Variants in PDE7A observed in about 807,000 individuals in gnomAD.
PDE7A encodes the protein high affinity 3',5'-cyclic-AMP phosphodiesterase 7A.
PDE7A carries 39 observed loss-of-function variants against 64.3 expected under a neutral mutation model. That is an observed-to-expected ratio of 0.61 (90% CI 0.47 to 0.79). PDE7A has a LOEUF of 0.79. Ranked by LOEUF, PDE7A falls within the 30% of genes least tolerant of loss-of-function variation. PDE7A has a pLI of 0.00. For synonymous variants in PDE7A, 203 were observed against 206.8 expected (o/e 0.98, Z 0.16); for missense variants, 470 against 582.8 (o/e 0.81, Z 1.99).
chr8:65,719,619 A>C, intron 12 of PDE7A, 124 bp from the exon 13 acceptor site: 1 of 669,850 alleles, frequency 1.5e-6, no homozygotes, highest in South Asian at 1.8e-5. Flanking sequence ...ATTCTTCAAA[A>C]GATTCCTGTG....
chr8:65,723,579 CA>C lies in PDE7A; in HGVS notation c.1204del (p.Cys402AlafsTer16). On this transcript the variant is annotated frameshift_variant, in exon 12 of 13. Coordinates refer to ENST00000401827, the MANE Select transcript of PDE7A (RefSeq NM_001242318.3). LOFTEE classifies it high-confidence loss of function. Reference protein sequence around the residue: ...KKYHLGVSPLCDRHTESIANI... With the variant: ...KKYHLGVSPLXDRHTESIANI... ...GGCAATAGATTCAGTGTGACGATCG[CA>C]AAGTGGACTCACACCCAAATGATAT... 1.9e-6 allele frequency: 3 copies of C among 1,583,480 alleles called. No individual in the cohort carries two copies. The highest frequency in any genetic ancestry group is 2.6e-6 in the Non-Finnish European group (3 of 1,166,576).
At chr8:65,760,431 C>A (rs1379402159) in intron 3 of PDE7A, among the ~76,000 whole-genome samples, 1 of 152,096 alleles carries the variant, frequency 6.6e-6, no homozygotes, top group Non-Finnish European at 1.5e-5. Flanking sequence ...AATTTTTGTA[C>A]ACAACCTAAT....
At chr8:65,724,629 T>C in intron 10 of PDE7A, 148 bp downstream of exon 10, 1 of 674,368 alleles carries the variant, frequency 1.5e-6, no homozygotes, top group Non-Finnish European at 2.4e-6. Context: ...GATCTCCTTT[T>C]GGAAGGAGTG....
intron 10 of PDE7A, 22 bp downstream of exon 10, chr8:65,724,755 A>C: frequency 6.3e-7 from 1 of 1,580,874 alleles, no homozygotes; most frequent in South Asian, 1.2e-5. Flanking sequence ...TAGAAATAGA[A>C]TGTTTCCAAG....
chr8:65,745,352 A>C, intron 5 of PDE7A, 55 bp downstream of exon 5: 1 of 986,322 alleles, frequency 1.0e-6, no homozygotes, highest in Admixed American at 1.7e-5. Context: ...CGGCTGCACC[A>C]TCAATGCAGT....
At chr8:65,833,161 TG>T (rs1465203687) in intron 1 of PDE7A, among the ~76,000 whole-genome samples, 1 of 152,256 alleles carries the variant, frequency 6.6e-6, no homozygotes, top group African/African-American at 2.4e-5. Flanking sequence ...CTTTAAATCC[TG>T]GAAGACAGCA....
At chr8:65,821,525 T>C (rs959449272) in intron 1 of PDE7A, among the ~76,000 whole-genome samples, 1 of 152,180 alleles carries the variant, frequency 6.6e-6, no homozygotes, top group African/African-American at 2.4e-5. Flanking sequence ...ACGATTAAAC[T>C]TAAGTTTTGA....
Position 65,754,710 on chromosome 8 carries a change from T to A in PDE7A, c.284-6907A>T, listed in dbSNP as rs555567745. Among the ~76,000 whole-genome samples the A allele has an allele frequency of 2.0e-5, 3 of 148,248 alleles. No homozygotes were observed. In the South Asian group the frequency reaches 7.0e-4, roughly 34 times the overall value. On this transcript the variant is annotated intron_variant, in intron 3 of 12. Coordinates refer to ENST00000401827, the MANE Select transcript of PDE7A (RefSeq NM_001242318.3). ...GGCTGGGCACAGTGGCTCACGCCTG[T>A]AATCCCAGCACTTTGGGAGGCTGAG...
At chr8:65,792,651 C>T (rs945680810) in intron 1 of PDE7A, among the ~76,000 whole-genome samples, 10 of 152,198 alleles carry the variant, frequency 6.6e-5, no homozygotes, top group Admixed American at 2.0e-4. Context: ...ACCAAATTTG[C>T]GACAGAAAAA....
chr8:65,815,370 A>G (rs1431814772), intron 1 of PDE7A, among the ~76,000 whole-genome samples: 2 of 152,180 alleles, frequency 1.3e-5, no homozygotes, highest in Non-Finnish European at 2.9e-5. Context: ...TAATTACTTC[A>G]GACAGAAAAC....
At chr8:65,803,206 A>G (rs1810036922) in intron 1 of PDE7A, among the ~76,000 whole-genome samples, 1 of 152,214 alleles carries the variant, frequency 6.6e-6, no homozygotes, top group South Asian at 2.1e-4. Flanking sequence ...AGGCATATCG[A>G]TGACTTGATT....
At chr8:65,838,245 G>A (rs1331134168) in intron 1 of PDE7A, among the ~76,000 whole-genome samples, 1 of 152,150 alleles carries the variant, frequency 6.6e-6, no homozygotes, top group Non-Finnish European at 1.5e-5. Flanking sequence ...AAGTACCACA[G>A]ATATGATGGT....
chr8:65,832,776 C>A (rs1810863668), intron 1 of PDE7A, among the ~76,000 whole-genome samples: 1 of 152,186 alleles, frequency 6.6e-6, no homozygotes, highest in African/African-American at 2.4e-5. Flanking sequence ...CATGAACCAC[C>A]ATGCCCAGCC....
At chr8:65,826,724 T>G (rs1161094524) in intron 1 of PDE7A, among the ~76,000 whole-genome samples, 3 of 152,224 alleles carry the variant, frequency 2.0e-5, no homozygotes, top group African/African-American at 7.2e-5. Context: ...CCTAGGGCTA[T>G]TAACACAGTA....
intron 3 of PDE7A, among the ~76,000 whole-genome samples, chr8:65,764,820 C>A (rs370680908): frequency 2.6e-5 from 4 of 152,150 alleles, no homozygotes; most frequent in South Asian, 4.2e-4. Flanking sequence ...AGGAACTAAG[C>A]GAAATTTAGG....
intron 1 of PDE7A, among the ~76,000 whole-genome samples, chr8:65,829,974 T>C (rs548048747): frequency 6.6e-6 from 1 of 152,236 alleles, no homozygotes; most frequent in South Asian, 2.1e-4. Context: ...AATTGATGAT[T>C]AGGTTCTCAC....
At chr8:65,793,245 C>T (rs1809748626) in intron 1 of PDE7A, among the ~76,000 whole-genome samples, 1 of 152,126 alleles carries the variant, frequency 6.6e-6, no homozygotes, top group Non-Finnish European at 1.5e-5. Flanking sequence ...GCCAACAAGA[C>T]TCTTCATTAG....
At chr8:65,789,166 G>A in intron 1 of PDE7A, 1 of 796,664 alleles carries the variant, frequency 1.3e-6, no homozygotes, top group Non-Finnish European at 1.8e-6. Context: ...CACAACCGCA[G>A]GGTTGGGGTA....
rs1344258631 is a variant in PDE7A at position 65,745,381 on chromosome 8, T to C, written c.499+26A>G. The stretch of plus-strand genomic sequence containing the variant: ...ATGCAGTAATCTAGACTACATTAAC[T>C]TGAGCAAGTCAAATTCTTCACTTAC... On this transcript the variant is annotated intron_variant, in intron 5 of 12. Transcript: ENST00000401827. The C allele has an allele frequency of 2.2e-6, 3 of 1,348,486 alleles. No homozygotes were observed. The East Asian group carries it at 6.9e-5, about 31-fold the overall frequency. 83.5% of individuals were successfully genotyped at this position (1,348,486 alleles called of 1,614,324 possible).
Sources: allele counts gnomAD v4.1 joint callset (sites outside exome capture counted in the v4.1 genomes callset), GRCh38; gene constraint gnomAD v4.1.1; transcripts MANE v1.5; gene names NCBI Gene and HGNC (gene_info 2026-07-23, HGNC 2026-07-21).